The following GRIN2B variants were observed in gnomAD, a reference collection of about 807,000 sequenced individuals.
The protein encoded by GRIN2B is glutamate ionotropic receptor NMDA type subunit 2B.
In GRIN2B, 5 loss-of-function variants were observed where a neutral mutation model predicts 114.5. That is an observed-to-expected ratio of 0.04 (90% CI 0.02 to 0.09). The LOEUF (loss-of-function observed/expected upper bound fraction) is 0.09, where lower values mean the gene tolerates loss of function less well. Ranked by LOEUF, GRIN2B falls within the 10% of genes least tolerant of loss-of-function variation. The pLI, the probability that GRIN2B is intolerant of heterozygous loss-of-function variation, is 1.00. For missense variants in GRIN2B, 1,108 were observed against 1,943.5 expected (o/e 0.57, Z 8.08); for synonymous variants, 787 against 745.1 (o/e 1.06, Z -0.92).
At chr12:13,750,927 T>G (rs914269713) in intron 4 of GRIN2B, among the ~76,000 whole-genome samples, 2 of 152,142 alleles carry the variant, frequency 1.3e-5, no homozygotes, top group African/African-American at 4.8e-5. Flanking sequence ...CAAGATGTAG[T>G]GAAGGCAAAT....
chr12:13,878,499 T>G (rs1866024713), intron 2 of GRIN2B, among the ~76,000 whole-genome samples: 1 of 152,230 alleles, frequency 6.6e-6, no homozygotes, highest in South Asian at 2.1e-4. Context: ...TAAATAGCCC[T>G]TTGACTGAAC....
intron 4 of GRIN2B, among the ~76,000 whole-genome samples, chr12:13,704,349 A>G (rs562578577): frequency 2.6e-5 from 4 of 152,142 alleles, no homozygotes; most frequent in Non-Finnish European, 5.9e-5. Flanking sequence ...TGAAAGGAAG[A>G]AGGATTTGAT....
intron 4 of GRIN2B, among the ~76,000 whole-genome samples, chr12:13,683,146 T>A (rs970883030): frequency 2.0e-5 from 3 of 152,040 alleles, no homozygotes; most frequent in African/African-American, 7.2e-5. Flanking sequence ...CCATCTGGGA[T>A]GAAATGGAGG....
In GRIN2B at chr12:13,650,057, G is replaced by A. The variant is rs148993479; in HGVS notation, c.1125+25688C>T. 1.3e-4 allele frequency among the ~76,000 whole-genome samples: 20 copies of A among 152,142 alleles called. No homozygotes were observed. In the East Asian group the frequency reaches 3.3e-3, roughly 25 times the overall value. ...TGCCCTGCACTGCCCAGGCTCCTTC[G>A]ATTGATGGTTCCTGGAAGAGTTTGC... On this transcript the variant is annotated intron_variant, in intron 5 of 13. Coordinates refer to ENST00000609686, the MANE Select transcript of GRIN2B (RefSeq NM_000834.5).
intron 4 of GRIN2B, among the ~76,000 whole-genome samples, chr12:13,721,978 G>A (rs1451014902): frequency 1.3e-5 from 2 of 152,072 alleles, no homozygotes; most frequent in Non-Finnish European, 2.9e-5. Flanking sequence ...CTTTCAGTAA[G>A]GAATCTGTCA....
rs969024709 is a variant in GRIN2B, at chr12:13,564,240, T to C, written c.2998A>G (p.Ile1000Val). ...TTGTCACAGTCGTAGAGCCCATCGA[T>C]GGAGCTGGCACTGCCAATACTATGG... ...RPHSIGSASSIDGLYDCDNPP... is the reference protein window; with the variant it reads ...RPHSIGSASSVDGLYDCDNPP... Residue 1000 changes from isoleucine (I) to valine (V), a missense_variant, in exon 14 of 14, where the codon ATC (isoleucine) becomes GTC (valine). Ile to Val is a conservative substitution (Grantham distance 29). Around this residue, in one of 19 missense-constraint regions of GRIN2B, gnomAD observed 140 missense variants for 187.5 expected, o/e 0.75. Transcript: ENST00000609686. This position sits in a 1 kb window ranked among gnomAD's most constrained non-coding sequence, Gnocchi z 4.8. The C allele has an allele frequency of 6.2e-7, 1 of 1,614,188 alleles. No homozygotes were observed.
Position 13,547,981 on chromosome 12 carries a change from A to ATATATATTTT in GRIN2B, c.*14801_*14802insAAAATATATA. 3.8e-4 allele frequency: 26 copies of ATATATATTTT among 68,574 alleles called. No individual in the cohort carries two copies. The highest frequency in any genetic ancestry group is 1.1e-3 in the African/African-American group (23 of 21,780). The allele number at this position is 68,574 out of a possible 1,614,324, so 4.2% of individuals were successfully genotyped here. On this transcript the variant is annotated 3_prime_UTR_variant, in exon 14 of 14. Transcript: ENST00000609686. ...TGTGTATATATATATATATATATAT[A>ATATATATTTT]TTTTTTTTTTTTTTCTGAAAGCTAC...
rs1022760827 is a variant in GRIN2B, at chr12:13,542,809, C to T, written c.*19974G>A. On this transcript the variant is annotated 3_prime_UTR_variant, in exon 14 of 14. Coordinates refer to ENST00000609686, the MANE Select transcript of GRIN2B (RefSeq NM_000834.5). ...AACCCTGGCAATTCCTTTCCTCTTG[C>T]TCTTACAGAAACCTGGCTCCTCTTT... 2 of 152,336 alleles carry T rather than the reference C, an allele frequency of 1.3e-5. No individual in the cohort carries two copies. The highest frequency in any genetic ancestry group is 1.3e-4 in the Admixed American group (2 of 15,294). The allele number at this position is 152,336 out of a possible 1,614,324, so 9.4% of individuals were successfully genotyped here.
At chr12:13,797,828 A>T (rs1423167969) in intron 3 of GRIN2B, among the ~76,000 whole-genome samples, 1 of 152,196 alleles carries the variant, frequency 6.6e-6, no homozygotes, top group East Asian at 1.9e-4. Flanking sequence ...GTTCTCCCTC[A>T]CGAAAGCACA....
rs879290394 is a variant in GRIN2B at position 13,549,690 on chromosome 12, A to T, written c.*13093T>A. On this transcript the variant is annotated 3_prime_UTR_variant, in exon 14 of 14. Coordinates refer to ENST00000609686, the MANE Select transcript of GRIN2B (RefSeq NM_000834.5). ...ATTTATGTGGATTACATGCTACCTA[A>T]AAAAAATTTTTAATAATAAAAAATT... The T allele has an allele frequency of 3.3e-5, 5 of 152,102 alleles. No individual in the cohort carries two copies. Among genetic ancestry groups the T allele is most frequent in the Admixed American group, 6.6e-5 (1 of 15,258 alleles). The allele number at this position is 152,102 out of a possible 1,614,324, so 9.4% of individuals were successfully genotyped here.
chr12:13,713,051 A>G (rs1950427626), intron 4 of GRIN2B, among the ~76,000 whole-genome samples: 1 of 151,946 alleles, frequency 6.6e-6, no homozygotes, highest in Non-Finnish European at 1.5e-5. Context: ...ACCACCAAGC[A>G]TAAGATGAGA....
chr12:13,973,353 T>C (rs576450313), intron 2 of GRIN2B, among the ~76,000 whole-genome samples: 5 of 152,302 alleles, frequency 3.3e-5, no homozygotes, highest in South Asian at 2.1e-4. Flanking sequence ...ACACAGAGGA[T>C]GGCGTGTAGA....
At chr12:13,735,751 C>T (rs1224162890) in intron 4 of GRIN2B, among the ~76,000 whole-genome samples, 1 of 152,160 alleles carries the variant, frequency 6.6e-6, no homozygotes, top group African/African-American at 2.4e-5. Flanking sequence ...CAGATATATC[C>T]TGTTCCTTTA....
rs2136375743 is a variant in GRIN2B, at chr12:13,539,102, A to AT, written c.*23680dup. The AT allele has an allele frequency of 1.3e-5, 2 of 152,342 alleles. No individual in the cohort carries two copies. The highest frequency in any genetic ancestry group is 3.9e-4 in the East Asian group (2 of 5,178). The allele number at this position is 152,342 out of a possible 1,614,324, so 9.4% of individuals were successfully genotyped here. On this transcript the variant is annotated 3_prime_UTR_variant, in exon 14 of 14. Coordinates refer to ENST00000609686, the MANE Select transcript of GRIN2B (RefSeq NM_000834.5). ...CTGGAATGTTCAGGGAGAAACAAGA[A>AT]TTTTTGTTCAGTACAAAGGAAAGTA...
chr12:13,645,118 G>C (rs1193591200), intron 5 of GRIN2B, among the ~76,000 whole-genome samples: 2 of 152,098 alleles, frequency 1.3e-5, no homozygotes, highest in East Asian at 3.9e-4. Flanking sequence ...GGTTTTCCAT[G>C]AGGCTTCCTC....
At chr12:13,852,817 C>T (rs548005485) in intron 3 of GRIN2B, among the ~76,000 whole-genome samples, 19 of 150,936 alleles carry the variant, frequency 1.3e-4, no homozygotes, top group African/African-American at 3.4e-4. Context: ...ACTATACTGC[C>T]GCCATCTGAA....
chr12:13,843,973 TA>T (rs1865428648), intron 3 of GRIN2B, among the ~76,000 whole-genome samples: 1 of 152,196 alleles, frequency 6.6e-6, no homozygotes, highest in Non-Finnish European at 1.5e-5. Context: ...AGCTCTGGAG[TA>T]GGCCAAAACC....
At chr12:13,886,892 A>G (rs1351862426) in intron 2 of GRIN2B, among the ~76,000 whole-genome samples, 1 of 152,228 alleles carries the variant, frequency 6.6e-6, no homozygotes, top group African/African-American at 2.4e-5. Context: ...AGTGCTTTAT[A>G]TATAGTAATT....
chr12:13,622,764 C>T (rs1054162511), intron 5 of GRIN2B, among the ~76,000 whole-genome samples: 1 of 152,232 alleles, frequency 6.6e-6, no homozygotes, highest in East Asian at 1.9e-4. Context: ...GAGAGCCAAG[C>T]TCACTTTTAT....
Sources: gnomAD v4.1 joint callset for allele counts (sites outside exome capture counted in the v4.1 genomes callset) on GRCh38, gnomAD v4.1.1 for gene constraint, gnomAD v4.1.1 regional missense constraint, Gnocchi (gnomAD v3.1) non-coding constraint, MANE v1.5 for transcripts, NCBI Gene and HGNC (gene_info 2026-07-23, HGNC 2026-07-21) for gene names.